Variants in AKAP6 observed in about 807,000 individuals in gnomAD.
The protein encoded by AKAP6 is A-kinase anchoring protein 6, also known as A-kinase anchor protein 6.
AKAP6 carries 58 observed loss-of-function variants against 188.5 expected under a neutral mutation model. That is an observed-to-expected ratio of 0.31 (90% CI 0.25 to 0.38). AKAP6 has a LOEUF of 0.38. AKAP6 is among the 10% of genes least tolerant of loss of function. The pLI, the probability that AKAP6 is intolerant of heterozygous loss-of-function variation, is 1.00. For synonymous variants in AKAP6, 989 were observed against 998.6 expected (o/e 0.99, Z 0.18); for missense variants, 2,710 against 2,740.0 (o/e 0.99, Z 0.24).
chr14:32,825,450 A>T (rs1394379372), intron 13 of AKAP6, among the ~76,000 whole-genome samples: 1 of 152,256 alleles, frequency 6.6e-6, no homozygotes, highest in Non-Finnish European at 1.5e-5. Flanking sequence ...AGGCTCAGAA[A>T]GCAAATGCAG....
At chr14:32,395,154 G>A (rs10141597) in intron 1 of AKAP6, among the ~76,000 whole-genome samples, 17,442 of 152,002 alleles carry the variant, frequency 0.11, 1,446 homozygotes, top group South Asian at 0.23. Flanking sequence ...TCAGTTCCAA[G>A]CAGGCTAAAT....
At chr14:32,788,874 C>T (rs955995625) in intron 12 of AKAP6, among the ~76,000 whole-genome samples, 2 of 152,160 alleles carry the variant, frequency 1.3e-5, no homozygotes, top group South Asian at 2.1e-4. Flanking sequence ...CGTCATTCTG[C>T]GGGCCCCACT....
chr14:32,489,574 C>T (rs1879889912), intron 2 of AKAP6, among the ~76,000 whole-genome samples: 1 of 152,082 alleles, frequency 6.6e-6, no homozygotes. Flanking sequence ...AAAAACTTTA[C>T]AGAAAGCACC....
At chr14:32,779,109 A>G (rs972359873) in intron 12 of AKAP6, among the ~76,000 whole-genome samples, 10 of 151,972 alleles carry the variant, frequency 6.6e-5, no homozygotes, top group African/African-American at 2.2e-4. Flanking sequence ...GAGAAACCCA[A>G]TTTAGGCCAG....
At chr14:32,528,237 T>C (rs1882227743) in intron 2 of AKAP6, among the ~76,000 whole-genome samples, 1 of 152,158 alleles carries the variant, frequency 6.6e-6, no homozygotes, top group South Asian at 2.1e-4. Context: ...TGTGTTGCCT[T>C]TGCTCCTTTG....
chr14:32,751,286 A>G (rs563982040), intron 11 of AKAP6, among the ~76,000 whole-genome samples: 2 of 152,258 alleles, frequency 1.3e-5, no homozygotes, highest in Admixed American at 6.5e-5. Flanking sequence ...TGTGTGTCAG[A>G]AAATGTATTT....
At chr14:32,812,266 A>G (rs1188520983) in intron 12 of AKAP6, among the ~76,000 whole-genome samples, 3 of 152,142 alleles carry the variant, frequency 2.0e-5, no homozygotes, top group African/African-American at 7.2e-5. Context: ...TGCAGTTGGG[A>G]TTTTTACAAC....
At chr14:32,783,927 C>A (rs1001248048) in intron 12 of AKAP6, among the ~76,000 whole-genome samples, 3 of 152,020 alleles carry the variant, frequency 2.0e-5, no homozygotes, top group African/African-American at 7.2e-5. Flanking sequence ...ACCTTTAAAT[C>A]AAGTAAATGA....
chr14:32,806,215 G>A (rs1310480700), intron 12 of AKAP6, among the ~76,000 whole-genome samples: 1 of 152,186 alleles, frequency 6.6e-6, no homozygotes, highest in African/African-American at 2.4e-5. Context: ...CAAAGAATTT[G>A]CAAGATAATT....
chr14:32,658,346 T>C (rs1322334745), intron 7 of AKAP6, among the ~76,000 whole-genome samples: 1 of 152,150 alleles, frequency 6.6e-6, no homozygotes, highest in African/African-American at 2.4e-5. Context: ...ATTTTAATGA[T>C]GTTTTCACTC....
At chr14:32,460,216 C>T (rs1047485859) in intron 2 of AKAP6, among the ~76,000 whole-genome samples, 1 of 152,128 alleles carries the variant, frequency 6.6e-6, no homozygotes, top group Non-Finnish European at 1.5e-5. Context: ...GTGTGAAACT[C>T]TACAGGACAA....
intron 7 of AKAP6, among the ~76,000 whole-genome samples, chr14:32,638,832 A>G (rs1887632212): frequency 6.6e-6 from 1 of 151,958 alleles, no homozygotes; most frequent in Non-Finnish European, 1.5e-5. Flanking sequence ...TATTCATAAT[A>G]TATATAACTA....
intron 2 of AKAP6, among the ~76,000 whole-genome samples, chr14:32,514,446 A>G (rs959956919): frequency 1.2e-4 from 18 of 152,236 alleles, no homozygotes; most frequent in African/African-American, 4.3e-4. Flanking sequence ...GATAAAAAGT[A>G]CATCTAAGAA....
chr14:32,766,788 G>T (rs2032732668), intron 11 of AKAP6, among the ~76,000 whole-genome samples: 1 of 152,092 alleles, frequency 6.6e-6, no homozygotes, highest in Non-Finnish European at 1.5e-5. Context: ...AAGCCCAAAA[G>T]TTGCTTATAC....
At chr14:32,786,205 C>T (rs1219305486) in intron 12 of AKAP6, among the ~76,000 whole-genome samples, 2 of 150,104 alleles carry the variant, frequency 1.3e-5, no homozygotes, top group African/African-American at 2.4e-5. Context: ...CTGTTACTTT[C>T]ATGTTCGCTC....
intron 1 of AKAP6, among the ~76,000 whole-genome samples, chr14:32,380,800 TTA>T (rs1888330032): frequency 6.6e-6 from 1 of 152,182 alleles, no homozygotes; most frequent in Admixed American, 6.5e-5. Context: ...TTGTAGTCAG[TTA>T]TAGAGAGCAA....
intron 4 of AKAP6, among the ~76,000 whole-genome samples, chr14:32,576,267 T>C (rs2139262701): frequency 1.3e-5 from 2 of 152,236 alleles, no homozygotes; most frequent in Middle Eastern, 6.8e-3. Flanking sequence ...CTGCCCTTGC[T>C]CCTTATGACC....
chr14:32,828,527 TCTCACACACACA>T (rs1316984584), intron 13 of AKAP6, among the ~76,000 whole-genome samples: 809 of 76,614 alleles, frequency 0.011, 3 homozygotes, highest in African/African-American at 0.011. Flanking sequence ...TCTCTCTCTC[TCTCACACACACA>T]CACACACACA....
intron 9 of AKAP6, among the ~76,000 whole-genome samples, chr14:32,715,272 A>G (rs972458999): frequency 6.6e-6 from 1 of 152,040 alleles, no homozygotes; most frequent in Non-Finnish European, 1.5e-5. Context: ...TCAGGAATTA[A>G]TGGTCTAATT....
Sources: gnomAD v4.1 joint callset for allele counts (sites outside exome capture counted in the v4.1 genomes callset) on GRCh38, gnomAD v4.1.1 for gene constraint, MANE v1.5 for transcripts, NCBI Gene and HGNC (gene_info 2026-07-23, HGNC 2026-07-21) for gene names.